PTPRN2: variants seen among roughly 807,000 people sequenced by gnomAD.
PTPRN2 encodes the protein protein tyrosine phosphatase receptor type N2.
PTPRN2 carries 74 observed loss-of-function variants against 118.8 expected under a neutral mutation model. The observed-to-expected ratio is 0.62, with a 90% CI of 0.52 to 0.76. The LOEUF is 0.76. Among genes scored for constraint, PTPRN2 ranks in the 30% least tolerant of loss-of-function variants. The pLI is 0.00. For missense variants in PTPRN2, 1,481 were observed against 1,394.4 expected (o/e 1.06, Z -0.99); for synonymous variants, 641 against 608.0 (o/e 1.05, Z -0.80).
At chr7:158,504,540 A>G (rs999614244) in intron 1 of PTPRN2, among the ~76,000 whole-genome samples, 3 of 152,132 alleles carry the variant, frequency 2.0e-5, no homozygotes, top group African/African-American at 7.2e-5. Context: ...ACTCTTTTCT[A>G]CGGCTGCATA....
Position 157,554,038 on chromosome 7 carries a change from C to T in PTPRN2, c.2903-5019G>A, listed in dbSNP as rs1213823941. 7.5e-5 allele frequency among the ~76,000 whole-genome samples: 9 copies of T among 119,524 alleles called. 1 individual carries two copies. Among genetic ancestry groups the T allele is most frequent in the Admixed American group, 7.4e-4 (9 of 12,124 alleles). The allele number at this position is 119,524 out of a possible 152,430, so 78.4% of individuals were successfully genotyped here. On this transcript the variant is annotated intron_variant, in intron 21 of 22. Transcript: ENST00000389418. The stretch of plus-strand genomic sequence containing the variant: ...GGTGCGGCCAGGCCGGGCGCCGGAT[C>T]CTGCCCGCTCGCGTGCCCTCCTGGG...
chr7:158,114,039 C>T (rs1816523834), intron 9 of PTPRN2, among the ~76,000 whole-genome samples: 1 of 152,232 alleles, frequency 6.6e-6, no homozygotes, highest in Non-Finnish European at 1.5e-5. Context: ...GTGGCTGCAA[C>T]TGGAGCCCAG....
At chr7:158,024,984 T>G (rs1447392599) in intron 11 of PTPRN2, among the ~76,000 whole-genome samples, 2 of 152,192 alleles carry the variant, frequency 1.3e-5, no homozygotes, top group Non-Finnish European at 2.9e-5. Context: ...TTGTGGGCAG[T>G]GGGTGGTTTG....
At chr7:158,282,198 T>C (rs1799473601) in intron 3 of PTPRN2, among the ~76,000 whole-genome samples, 1 of 151,814 alleles carries the variant, frequency 6.6e-6, no homozygotes, top group Non-Finnish European at 1.5e-5. Flanking sequence ...TTTTTTCCTT[T>C]CTATTTTCAG....
chr7:157,860,564 G>A (rs1216316926), intron 12 of PTPRN2, among the ~76,000 whole-genome samples: 1 of 152,258 alleles, frequency 6.6e-6, no homozygotes, highest in Non-Finnish European at 1.5e-5. Context: ...ATATCTAATT[G>A]AGTGCTGTGT....
At chr7:158,157,286 T>G (rs1363345565) in intron 6 of PTPRN2, among the ~76,000 whole-genome samples, 3 of 152,200 alleles carry the variant, frequency 2.0e-5, no homozygotes, top group Non-Finnish European at 2.9e-5. Flanking sequence ...TTAGGTGCCC[T>G]GCCAATTCCT....
At chr7:158,211,614 G>T (rs1005825811) in intron 3 of PTPRN2, among the ~76,000 whole-genome samples, 2 of 152,092 alleles carry the variant, frequency 1.3e-5, no homozygotes, top group Non-Finnish European at 2.9e-5. Context: ...CGTATGAAAA[G>T]GTGCTCAACA....
chr7:157,586,861 G>A lies in PTPRN2; in HGVS notation c.2496+8377C>T, dbSNP rs940536525. 3.9e-5 allele frequency among the ~76,000 whole-genome samples: 6 copies of A among 152,246 alleles called. No individual in the cohort carries two copies. In the South Asian group the frequency reaches 8.3e-4, roughly 21 times the overall value. On this transcript the variant is annotated intron_variant, in intron 17 of 22. Coordinates refer to ENST00000389418, the MANE Select transcript of PTPRN2 (RefSeq NM_002847.5). Reference sequence around the variant, plus strand: ...GTAGCTGGGGGCCGTGAACCAGCTCGGGCTGAGCGGATGCCATCTTTGGAG... The same window carrying A: ...GTAGCTGGGGGCCGTGAACCAGCTCAGGCTGAGCGGATGCCATCTTTGGAG...
chr7:158,288,959 G>T (rs1799936143), intron 3 of PTPRN2, among the ~76,000 whole-genome samples: 1 of 152,018 alleles, frequency 6.6e-6, no homozygotes, highest in South Asian at 2.1e-4. Context: ...ATTCTTGGTT[G>T]GCCATTTTTT....
intron 9 of PTPRN2, among the ~76,000 whole-genome samples, chr7:158,116,721 C>T (rs1342276610): frequency 1.3e-5 from 2 of 152,176 alleles, no homozygotes; most frequent in Non-Finnish European, 2.9e-5. Flanking sequence ...ATTTAAAATG[C>T]TAACACCCAT....
At chr7:157,667,400 G>A (rs1027140109) in intron 13 of PTPRN2, among the ~76,000 whole-genome samples, 10 of 152,204 alleles carry the variant, frequency 6.6e-5, no homozygotes, top group Admixed American at 2.6e-4. Flanking sequence ...CACTCGGCCC[G>A]TGGGACACTG....
At chr7:158,521,608 C>G (rs966798694) in intron 1 of PTPRN2, among the ~76,000 whole-genome samples, 1 of 122,298 alleles carries the variant, frequency 8.2e-6, no homozygotes, top group African/African-American at 3.1e-5. Flanking sequence ...GTGGACTGTC[C>G]AGGTAGTGGC....
intron 2 of PTPRN2, among the ~76,000 whole-genome samples, chr7:158,388,321 AC>A (rs1013994297): frequency 1.3e-5 from 2 of 150,960 alleles, no homozygotes; most frequent in African/African-American, 2.4e-5. Context: ...CCGCAAGACC[AC>A]CCCCCCATGA....
intron 12 of PTPRN2, among the ~76,000 whole-genome samples, chr7:157,786,548 G>T (rs571386308): frequency 6.6e-6 from 1 of 152,216 alleles, no homozygotes; most frequent in Non-Finnish European, 1.5e-5. Flanking sequence ...GAAGCACAGA[G>T]TGGCTGTCCC....
At chr7:158,183,617 T>C (rs1824901616) in intron 5 of PTPRN2, among the ~76,000 whole-genome samples, 1 of 152,260 alleles carries the variant, frequency 6.6e-6, no homozygotes, top group Non-Finnish European at 1.5e-5. Flanking sequence ...CTCTTTCTAC[T>C]GCTTCTCCTA....
intron 9 of PTPRN2, among the ~76,000 whole-genome samples, chr7:158,123,979 G>A (rs77906007): frequency 2.8e-5 from 4 of 141,316 alleles, no homozygotes; most frequent in South Asian, 4.9e-4. Flanking sequence ...ATCTGATTCA[G>A]CCTCAGATCC....
chr7:158,015,647 G>A lies in PTPRN2; in HGVS notation c.1723+65651C>T, dbSNP rs541468996. 6.6e-6 allele frequency among the ~76,000 whole-genome samples: 1 copy of A among 152,026 alleles called. No homozygotes were observed. The highest frequency in any genetic ancestry group is 2.1e-4 in the South Asian group (1 of 4,814). ...TTCATATTGTTAATTTTTAACTAAA[G>A]ACAACTGATTTTTGCCAGTAGCAGA... On this transcript the variant is annotated intron_variant, in intron 11 of 22. Coordinates refer to ENST00000389418, the MANE Select transcript of PTPRN2 (RefSeq NM_002847.5). This position sits in a 1 kb window ranked among gnomAD's most constrained non-coding sequence, Gnocchi z 4.2.
At chr7:158,079,438 T>G (rs1229605264) in intron 11 of PTPRN2, among the ~76,000 whole-genome samples, 1 of 152,176 alleles carries the variant, frequency 6.6e-6, no homozygotes, top group African/African-American at 2.4e-5. Flanking sequence ...GAAACTAGCT[T>G]TCAAATAATC....
At chr7:157,624,288 G>A (rs998699012) in intron 14 of PTPRN2, among the ~76,000 whole-genome samples, 1 of 152,158 alleles carries the variant, frequency 6.6e-6, no homozygotes, top group African/African-American at 2.4e-5. Context: ...GGGCATGGTG[G>A]CGGGCGCCTC....
Sources: gnomAD v4.1 joint callset for allele counts (sites outside exome capture counted in the v4.1 genomes callset) on GRCh38, gnomAD v4.1.1 for gene constraint, Gnocchi (gnomAD v3.1) non-coding constraint, MANE v1.5 for transcripts, NCBI Gene and HGNC (gene_info 2026-07-23, HGNC 2026-07-21) for gene names.